Variants in ARHGAP11B observed in about 807,000 individuals in gnomAD.
ARHGAP11B encodes the protein inactive Rho GTPase-activating protein 11B.
Under a neutral mutation model 27.6 loss-of-function variants are expected in ARHGAP11B, and 14 were observed. That is an observed-to-expected ratio of 0.51 (90% CI 0.34 to 0.79). The LOEUF is 0.79. ARHGAP11B is among the 30% of genes least tolerant of loss of function. The pLI, the probability that ARHGAP11B is intolerant of heterozygous loss-of-function variation, is 0.02. For synonymous variants in ARHGAP11B, 82 were observed against 114.1 expected (o/e 0.72, Z 1.80); for missense variants, 245 against 320.1 (o/e 0.77, Z 1.79).
intron 7 of ARHGAP11B, among the ~76,000 whole-genome samples, chr15:30,643,249 T>G (rs1247597898): frequency 2.0e-5 from 3 of 151,814 alleles, no homozygotes. Context: ...TTTCTCAGAC[T>G]TTTCTTGCCT....
exon 11 of ARHGAP11B, chr15:30,648,860 A>C (rs2060368654): frequency 6.6e-6 from 1 of 152,062 alleles, no homozygotes; most frequent in Admixed American, 6.6e-5. Flanking sequence ...AATTCTTATT[A>C]TACATCTTGT....
intron 7 of ARHGAP11B, among the ~76,000 whole-genome samples, chr15:30,639,971 A>AGTGT (rs71103435): frequency 0.088 from 12,553 of 143,188 alleles, 406 homozygotes; most frequent in Middle Eastern, 0.14. Context: ...TTCAATATAG[A>AGTGT]GTGTGTGTGT....
rs74011052 is a variant in ARHGAP11B at position 30,646,419 on chromosome 15, A to G, written c.*324+124A>G. On this transcript the variant is annotated intron_variant, in intron 9 of 10. Coordinates refer to ENST00000428041, the Ensembl canonical transcript of ARHGAP11B. ...ACTGATTTATCATGATTTTAGGTTT[A>G]TGCAAATTATCGTCTGCTTAATCCT... 738 of 169,958 alleles carry G rather than the reference A, an allele frequency of 4.3e-3. 7 individuals are homozygous for G. Among genetic ancestry groups the G allele is most frequent in the African/African-American group, 0.017 (706 of 41,954 alleles). The allele number at this position is 169,958 out of a possible 1,614,324, so 10.5% of individuals were successfully genotyped here.
At chr15:30,635,805 G>A (rs2060276830) in intron 6 of ARHGAP11B, among the ~76,000 whole-genome samples, 172 bp downstream of exon 6, 1 of 141,706 alleles carries the variant, frequency 7.1e-6, no homozygotes, top group Non-Finnish European at 1.5e-5. Context: ...CTAATGTTAA[G>A]TGCTACATCT....
At chr15:30,634,602 CCTTAT>C (rs1217757060) in intron 4 of ARHGAP11B, among the ~76,000 whole-genome samples, 179 bp downstream of exon 4, 2 of 151,972 alleles carry the variant, frequency 1.3e-5, no homozygotes, top group African/African-American at 4.8e-5. Context: ...TTTAATATTT[CCTTAT>C]CTTAAAGTCA....
intron 10 of ARHGAP11B, among the ~76,000 whole-genome samples, chr15:30,647,922 G>A (rs767834701): frequency 1.1e-4 from 16 of 151,608 alleles, no homozygotes; most frequent in Non-Finnish European, 2.4e-4. Context: ...TACAATTCTG[G>A]GATTATCTAA....
At chr15:30,644,547 C>G (rs2140908454) in intron 7 of ARHGAP11B, 1 of 681,382 alleles carries the variant, frequency 1.5e-6, no homozygotes, top group Admixed American at 2.8e-5. Flanking sequence ...TTTTTTTGTC[C>G]TCATTGATTT....
chr15:30,638,183 T>C (rs1410970008), intron 6 of ARHGAP11B, among the ~76,000 whole-genome samples: 1 of 151,254 alleles, frequency 6.6e-6, no homozygotes, highest in African/African-American at 2.4e-5. Flanking sequence ...CTTCAGAAAT[T>C]TTAATTGGTA....
intron 8 of ARHGAP11B, among the ~76,000 whole-genome samples, chr15:30,645,563 T>C (rs1340105536): frequency 2.0e-5 from 3 of 152,092 alleles, no homozygotes; most frequent in Non-Finnish European, 4.4e-5. Context: ...ATTTACAATT[T>C]CTTTTGTCTA....
intron 1 of ARHGAP11B, among the ~76,000 whole-genome samples, 162 bp from the exon 2 acceptor site, chr15:30,630,538 TTTG>T (rs1447202098): frequency 3.9e-5 from 6 of 152,086 alleles, no homozygotes; most frequent in African/African-American, 1.4e-4. Flanking sequence ...ATAGTAATTA[TTTG>T]TTATCAAATG....
chr15:30,629,434 G>T (rs1373420796), intron 1 of ARHGAP11B, among the ~76,000 whole-genome samples: 1 of 151,962 alleles, frequency 6.6e-6, no homozygotes, highest in Non-Finnish European at 1.5e-5. Context: ...GGCGCCTGTA[G>T]TCCCAGCTAC....
chr15:30,647,029 G>A (rs1211549437), intron 9 of ARHGAP11B, among the ~76,000 whole-genome samples: 1 of 151,898 alleles, frequency 6.6e-6, no homozygotes, highest in Non-Finnish European at 1.5e-5. Flanking sequence ...TCAGTGACTG[G>A]AATGAACTGC....
intron 10 of ARHGAP11B, chr15:30,647,810 CAT>C (rs2060360305): frequency 6.0e-6 from 1 of 167,908 alleles, no homozygotes; most frequent in African/African-American, 2.4e-5. Context: ...AAATAATTAT[CAT>C]AAATTTTTCT....
At chr15:30,639,076 T>A (rs1335468495) in intron 7 of ARHGAP11B, among the ~76,000 whole-genome samples, 1 of 151,996 alleles carries the variant, frequency 6.6e-6, no homozygotes, top group Non-Finnish European at 1.5e-5. Flanking sequence ...TGCTTTTCTG[T>A]TTGTAATTTA....
intron 7 of ARHGAP11B, among the ~76,000 whole-genome samples, chr15:30,642,857 A>C (rs2060323485): frequency 1.3e-5 from 2 of 152,052 alleles, no homozygotes; most frequent in Non-Finnish European, 2.9e-5. Flanking sequence ...TTCTTAGCTG[A>C]GTTGGGTTAT....
intron 10 of ARHGAP11B, among the ~76,000 whole-genome samples, chr15:30,648,287 G>GT (rs1174531512): frequency 5.9e-5 from 9 of 152,024 alleles, no homozygotes; most frequent in Non-Finnish European, 8.8e-5. Context: ...GGAAGGAAGT[G>GT]TCCTTACTTT....
intron 6 of ARHGAP11B, among the ~76,000 whole-genome samples, chr15:30,637,890 G>T (rs1202906862): frequency 2.1e-5 from 3 of 145,420 alleles, no homozygotes; most frequent in African/African-American, 5.1e-5. Flanking sequence ...TGCTATCTTG[G>T]TTCACTGCAA....
chr15:30,648,280 A>G (rs1454326303), intron 10 of ARHGAP11B, among the ~76,000 whole-genome samples: 3 of 152,174 alleles, frequency 2.0e-5, no homozygotes, highest in Admixed American at 2.0e-4. Context: ...TCCCAATGGA[A>G]GGAAGTGTCC....
intron 7 of ARHGAP11B, among the ~76,000 whole-genome samples, chr15:30,641,049 C>G (rs928695447): frequency 2.0e-5 from 3 of 151,918 alleles, no homozygotes; most frequent in African/African-American, 7.2e-5. Context: ...TTCTCCTCCT[C>G]CAAGCTCCCA....
Sources: gnomAD v4.1 joint callset for allele counts (sites outside exome capture counted in the v4.1 genomes callset) on GRCh38, gnomAD v4.1.1 for gene constraint, MANE v1.5 for transcripts, NCBI Gene and HGNC (gene_info 2026-07-23, HGNC 2026-07-21) for gene names.